The following TBX4 variants were observed in gnomAD, a reference collection of about 807,000 sequenced individuals.
TBX4 encodes the protein T-box transcription factor TBX4.
TBX4 carries 13 observed loss-of-function variants against 54.6 expected under a neutral mutation model. The ratio of observed to expected loss-of-function variants is 0.24; its 90% CI spans 0.15 to 0.38. TBX4 has a LOEUF of 0.38. TBX4 is among the 10% of genes least tolerant of loss of function. TBX4 has a pLI of 1.00. For synonymous variants in TBX4, 314 were observed against 306.7 expected (o/e 1.02, Z -0.25); for missense variants, 631 against 728.5 (o/e 0.87, Z 1.54).
Position 61,480,553 on chromosome 17 carries a change from C to T in TBX4, c.1021+234C>T, listed in dbSNP as rs2060656990. Among the ~76,000 whole-genome samples, 2 of 152,294 alleles carry T rather than the reference C, an allele frequency of 1.3e-5. No individual in the cohort carries two copies. The highest frequency in any genetic ancestry group is 3.4e-3 in the Middle Eastern group (1 of 294). On this transcript the variant is annotated intron_variant, in intron 8 of 8. Coordinates refer to ENST00000644296, the MANE Select transcript of TBX4 (RefSeq NM_001321120.2). This position sits in a 1 kb window ranked among gnomAD's most constrained non-coding sequence, Gnocchi z 6.2. ...CTGCCTTTGGAACCCTCACAGACAG[C>T]TTGTAGCCCCGGTGTCCCCAGACAC...
intron 1 of TBX4, among the ~76,000 whole-genome samples, chr17:61,455,666 G>A (rs981796401): frequency 1.3e-5 from 2 of 152,220 alleles, no homozygotes; most frequent in Non-Finnish European, 2.9e-5. Context: ...TGGGTCTTTA[G>A]GCCCAAAGCA....
At position 61,480,102 on chromosome 17, in the gene TBX4, C is replaced by T. The variant is rs145889644; in HGVS notation, c.804C>T (p.Pro268=). 89 of 1,613,954 alleles carry T rather than the reference C, an allele frequency of 5.5e-5. No homozygotes were observed. The highest frequency in any genetic ancestry group is 2.3e-4 in the African/African-American group (17 of 74,864). ...RVARLQSKEY[P]VISKSIMRQR... The stretch of plus-strand genomic sequence containing the variant: ...CCCACCCCTTCAGCAAAGAATACCC[C>T]GTGATTTCCAAAAGCATCATGAGGC... Residue 268 remains proline, a synonymous_variant, in exon 8 of 9, where the codon CCC becomes CCT. Transcript: ENST00000644296. This position sits in a 1 kb window ranked among gnomAD's most constrained non-coding sequence, Gnocchi z 6.2.
intron 1 of TBX4, among the ~76,000 whole-genome samples, chr17:61,455,994 G>A (rs545321990): frequency 6.6e-6 from 1 of 152,288 alleles, no homozygotes; most frequent in Non-Finnish European, 1.5e-5. Context: ...GGCCCTCTCT[G>A]CACACAGGTG....
intron 4 of TBX4, 122 bp from the exon 5 acceptor site, chr17:61,467,388 T>G (rs1226654242): frequency 1.2e-5 from 13 of 1,116,246 alleles, no homozygotes; most frequent in Non-Finnish European, 1.5e-5. Context: ...AATTTGACAA[T>G]GTGGTGGGAC....
rs1384862904 is a variant in TBX4, at chr17:61,479,231, G to A, written c.702+452G>A. 6.6e-6 allele frequency among the ~76,000 whole-genome samples: 1 copy of A among 152,112 alleles called. No homozygotes were observed. The highest frequency in any genetic ancestry group is 2.4e-5 in the African/African-American group (1 of 41,416). On this transcript the variant is annotated intron_variant, in intron 6 of 8. Transcript: ENST00000644296. The surrounding 1 kb of genome is among the most constrained non-coding windows in gnomAD (Gnocchi z 6.1). Reference sequence around the variant, plus strand: ...CGGAGGCCCTTCCCAGGCTGTGATAGGAGGTGCCCCAGCCACCTCCCACAC... The same window carrying A: ...CGGAGGCCCTTCCCAGGCTGTGATAAGAGGTGCCCCAGCCACCTCCCACAC...
chr17:61,455,153 G>C (rs1050528359), intron 1 of TBX4, among the ~76,000 whole-genome samples: 1 of 152,196 alleles, frequency 6.6e-6, no homozygotes, highest in African/African-American at 2.4e-5. Flanking sequence ...AACCCAGACT[G>C]GCCCCGGCCC....
At chr17:61,466,575 C>T (rs772482247) in intron 4 of TBX4, among the ~76,000 whole-genome samples, 1 of 152,188 alleles carries the variant, frequency 6.6e-6, no homozygotes, top group Admixed American at 6.5e-5. Flanking sequence ...CCTGGGAGCT[C>T]GGAACAGCGC....
intron 5 of TBX4, among the ~76,000 whole-genome samples, chr17:61,473,587 C>G (rs1040717314): frequency 6.6e-6 from 1 of 152,214 alleles, no homozygotes; most frequent in Non-Finnish European, 1.5e-5. Flanking sequence ...ATGTGGCAAG[C>G]CCTGAACTCC....
At chr17:61,456,453 C>T (rs1371487047) in intron 1 of TBX4, 35 bp from the exon 2 acceptor site, 2 of 1,550,876 alleles carry the variant, frequency 1.3e-6, no homozygotes, top group Non-Finnish European at 1.7e-6. Flanking sequence ...GAGTGTGGAC[C>T]TGGGCGAGTG....
rs772891363 is a variant in TBX4 at position 61,456,654 on chromosome 17, TCGCCGC to T, written c.174_179del (p.Ala59_Ala60del). ...CCCCCGGGACCCGGGGCCGACGTCG[TCGCCGC>T]CGCCGCCGCGGAGCAGGTAGGGCTG... On this transcript the variant is annotated inframe_deletion, in exon 2 of 9. Coordinates refer to ENST00000644296, the MANE Select transcript of TBX4 (RefSeq NM_001321120.2). The T allele has an allele frequency of 1.5e-6, 2 of 1,351,948 alleles. No homozygotes were observed. The highest frequency in any genetic ancestry group is 1.9e-6 in the Non-Finnish European group (2 of 1,049,712). The allele number at this position is 1,351,948 out of a possible 1,614,324, so 83.7% of individuals were successfully genotyped here.
In TBX4 at chr17:61,457,620, T is replaced by A. The variant is rs1432088250; in HGVS notation, c.270T>A (p.Thr90=). ...FHEAGTEMII[T]KAGRRMFPSY... ...AGGCGGGCACCGAGATGATCATCAC[T>A]AAGGCTGGCAGGTCAGCGCTGGGAG... Residue 90 remains threonine, a synonymous_variant, in exon 3 of 9, where the codon ACT becomes ACA. Transcript: ENST00000644296. This position sits in a 1 kb window ranked among gnomAD's most constrained non-coding sequence, Gnocchi z 8.2. 6.2e-7 allele frequency: 1 copy of A among 1,613,756 alleles called. No homozygotes were observed.
Position 61,483,493 on chromosome 17 carries a change from G to T in TBX4, c.1618G>T (p.Val540Leu), listed in dbSNP as rs756819237. The T allele has an allele frequency of 6.2e-7, 1 of 1,614,178 alleles. No individual in the cohort carries two copies. The highest frequency in any genetic ancestry group is 1.1e-5 in the South Asian group (1 of 91,074). The change falls in exon 9 of 9, where the codon GTG (valine) becomes TTG (leucine). Residue 540 changes from valine to leucine, a missense_variant. Coordinates refer to ENST00000644296, the MANE Select transcript of TBX4 (RefSeq NM_001321120.2). This position sits in a 1 kb window ranked among gnomAD's most constrained non-coding sequence, Gnocchi z 6.6. ...ACAGTACCATTCAGGAATGGGGACT[G>T]TGGAGAACTGGACTGACGGATGACT... ...SLQYHSGMGT[V>L]ENWTDG
chr17:61,459,994 C>A lies in TBX4; in HGVS notation c.281+2363C>A, dbSNP rs1042425312. Among the ~76,000 whole-genome samples the A allele has an allele frequency of 6.6e-6, 1 of 152,154 alleles. No homozygotes were observed. The highest frequency in any genetic ancestry group is 6.5e-5 in the Admixed American group (1 of 15,282). ...CTCCCTGCTCCCCAAATTCTGTGTG[C>A]CTCTACTGGAACCCTTCTTGGTACA... On this transcript the variant is annotated intron_variant, in intron 3 of 8. Coordinates refer to ENST00000644296, the MANE Select transcript of TBX4 (RefSeq NM_001321120.2). The surrounding 1 kb of genome is among the most constrained non-coding windows in gnomAD (Gnocchi z 4.8).
Position 61,477,144 on chromosome 17 carries a change from G to A in TBX4, c.550-1483G>A, listed in dbSNP as rs181713461. On this transcript the variant is annotated intron_variant, in intron 5 of 8. Coordinates refer to ENST00000644296, the MANE Select transcript of TBX4 (RefSeq NM_001321120.2). ...GAGAGGGGAGCTCAGAGGGGAAGGG[G>A]ACCCGAGGGCCCGCCTGGCCTGGCC... Among the ~76,000 whole-genome samples, 17 of 152,358 alleles carry A rather than the reference G, an allele frequency of 1.1e-4. No homozygotes were observed. In the East Asian group the frequency reaches 2.3e-3, roughly 21 times the overall value.
In TBX4 at chr17:61,480,220, G is replaced by A. The variant is rs748587793; in HGVS notation, c.922G>A (p.Gly308Arg). ...QALQHYQHENGAHSQLAEPQD... is the reference protein window; with the variant it reads ...QALQHYQHENRAHSQLAEPQD... ...ACTCCAGCACTACCAGCACGAGAAC[G>A]GGGCACACTCACAGCTCGCGGAGCC... The change falls in exon 8 of 9, where the codon GGG becomes AGG. Residue 308 changes from glycine (G) to arginine (R), a missense_variant. Gly to Arg is a moderately radical substitution (Grantham distance 125). Around this residue, in one of 3 missense-constraint regions of TBX4, gnomAD observed 354 missense variants for 368.9 expected, o/e 0.96. Transcript: ENST00000644296. The surrounding 1 kb of genome is among the most constrained non-coding windows in gnomAD (Gnocchi z 6.2). 3.7e-5 allele frequency: 60 copies of A among 1,614,102 alleles called. No individual in the cohort carries two copies. Among genetic ancestry groups the A allele is most frequent in the South Asian group, 2.0e-4 (18 of 91,084 alleles).
In TBX4 at chr17:61,479,736, C is replaced by T; in HGVS notation, c.703-145C>T. The T allele has an allele frequency of 1.2e-6, 1 of 848,814 alleles. No individual in the cohort carries two copies. The highest frequency in any genetic ancestry group is 1.4e-5 in the South Asian group (1 of 69,682). The allele number at this position is 848,814 out of a possible 1,614,324, so 52.6% of individuals were successfully genotyped here. A position where few individuals can be genotyped will look rare whatever the true frequency, so the allele number is the denominator to read the frequency against. On this transcript the variant is annotated intron_variant, in intron 6 of 8. Coordinates refer to ENST00000644296, the MANE Select transcript of TBX4 (RefSeq NM_001321120.2). The surrounding 1 kb of genome is among the most constrained non-coding windows in gnomAD (Gnocchi z 6.1). Reference sequence around the variant, plus strand: ...GGCCAGTCCAGTCCCACCCTCCTCCCCAAGGAGGGTAGTGAGAAGCGGTGA... The same window carrying T: ...GGCCAGTCCAGTCCCACCCTCCTCCTCAAGGAGGGTAGTGAGAAGCGGTGA...
Position 61,452,509 on chromosome 17 carries a change from G to T in TBX4, c.-72G>T, listed in dbSNP as rs1248725787. 1 of 152,418 alleles carries T rather than the reference G, an allele frequency of 6.6e-6. No individual in the cohort carries two copies. The highest frequency in any genetic ancestry group is 2.1e-4 in the South Asian group (1 of 4,830). 9.4% of individuals were successfully genotyped at this position (152,418 alleles called of 1,614,324 possible). On this transcript the variant is annotated 5_prime_UTR_variant, in exon 1 of 9. Coordinates refer to ENST00000644296, the MANE Select transcript of TBX4 (RefSeq NM_001321120.2). ...GGAGTCGGAGCCCCGGCCGTCCCGC[G>T]CTCCTCGGACCCGAACCTGCAGGGG...
At chr17:61,471,892 ATTTTT>A (rs35198276) in intron 5 of TBX4, among the ~76,000 whole-genome samples, 1,495 of 72,656 alleles carry the variant, frequency 0.021, 32 homozygotes, top group African/African-American at 0.074. Flanking sequence ...TGCCCAGCTA[ATTTTT>A]TTTTTTTTTT....
Position 61,483,925 on chromosome 17 carries a change from G to A in TBX4, c.*409G>A, listed in dbSNP as rs2060686079. On this transcript the variant is annotated 3_prime_UTR_variant, in exon 9 of 9. Coordinates refer to ENST00000644296, the MANE Select transcript of TBX4 (RefSeq NM_001321120.2). This position sits in a 1 kb window ranked among gnomAD's most constrained non-coding sequence, Gnocchi z 6.6. ...GGAAAGATTCTCACTGCTGGGGTGG[G>A]AAGATTCTCGCTGCTGGGGTGTGAG... 1.9e-5 allele frequency: 5 copies of A among 259,584 alleles called. No individual in the cohort carries two copies. In the South Asian group the frequency reaches 2.3e-4, roughly 12 times the overall value. The allele number at this position is 259,584 out of a possible 1,614,324, so 16.1% of individuals were successfully genotyped here.
Sources: gnomAD v4.1 joint callset for allele counts (sites outside exome capture counted in the v4.1 genomes callset) on GRCh38, gnomAD v4.1.1 for gene constraint, gnomAD v4.1.1 regional missense constraint, Gnocchi (gnomAD v3.1) non-coding constraint, MANE v1.5 for transcripts, NCBI Gene and HGNC (gene_info 2026-07-23, HGNC 2026-07-21) for gene names.